SNX29: variants seen among roughly 807,000 people sequenced by gnomAD.
The protein encoded by SNX29 is sorting nexin 29.
Under a neutral mutation model 102.1 loss-of-function variants are expected in SNX29, and 78 were observed. The observed-to-expected ratio is 0.76, with a 90% confidence interval of 0.64 to 0.92. SNX29 has a LOEUF of 0.92. SNX29 is among the 40% of genes least tolerant of loss of function. SNX29 has a pLI of 0.00. For missense variants in SNX29, 1,280 were observed against 1,061.7 expected (o/e 1.21, Z -2.86); for synonymous variants, 580 against 414.5 (o/e 1.40, Z -4.85).
intron 14 of SNX29, among the ~76,000 whole-genome samples, chr16:12,221,747 G>A (rs937283932): frequency 2.0e-5 from 3 of 152,214 alleles, no homozygotes; most frequent in Admixed American, 2.0e-4. Flanking sequence ...CGCATTTGCT[G>A]GAAAATTGTG....
chr16:12,408,488 A>G (rs1175939852), intron 18 of SNX29, among the ~76,000 whole-genome samples: 4 of 152,246 alleles, frequency 2.6e-5, no homozygotes, highest in African/African-American at 9.6e-5. Context: ...TGTTTGAGCA[A>G]TGTCAGGGTC....
chr16:12,331,144 G>T (rs2081280951), intron 15 of SNX29, among the ~76,000 whole-genome samples: 1 of 152,214 alleles, frequency 6.6e-6, no homozygotes, highest in South Asian at 2.1e-4. Context: ...TGGCAGGCCT[G>T]ACTGGCCCTT....
At chr16:12,404,288 G>T (rs770666362) in intron 18 of SNX29, among the ~76,000 whole-genome samples, 3 of 152,156 alleles carry the variant, frequency 2.0e-5, no homozygotes, top group Non-Finnish European at 2.9e-5. Flanking sequence ...GCAGCGAAAT[G>T]TGTGTCTGCT....
At chr16:12,488,843 A>C (rs1222297000) in intron 19 of SNX29, among the ~76,000 whole-genome samples, 1 of 152,244 alleles carries the variant, frequency 6.6e-6, no homozygotes, top group Non-Finnish European at 1.5e-5. Context: ...TGAACCCACC[A>C]GAATTGGCCA....
chr16:12,525,311 C>A (rs1237107173), intron 20 of SNX29, among the ~76,000 whole-genome samples: 3 of 150,384 alleles, frequency 2.0e-5, no homozygotes, highest in Non-Finnish European at 4.4e-5. Context: ...TAAATGCCTT[C>A]TTCTCTCTTG....
At chr16:12,514,013 A>G (rs1158981759) in intron 19 of SNX29, among the ~76,000 whole-genome samples, 2 of 152,192 alleles carry the variant, frequency 1.3e-5, no homozygotes, top group Non-Finnish European at 2.9e-5. Flanking sequence ...GTTATAAAGC[A>G]GAGTTCACAG....
At chr16:12,417,824 T>G (rs1198321799) in intron 18 of SNX29, among the ~76,000 whole-genome samples, 1 of 152,090 alleles carries the variant, frequency 6.6e-6, no homozygotes. Flanking sequence ...GAGAGGAAAT[T>G]CATAATTTCC....
rs796916295 is a variant in SNX29, at chr16:12,011,189, G to T, written c.122+8146G>T. On this transcript the variant is annotated intron_variant, in intron 3 of 20. Coordinates refer to ENST00000566228, the MANE Select transcript of SNX29 (RefSeq NM_032167.5). ...TGCTTGATTAAATGAATTGCTTGGG[G>T]TTTTTTTTTTTTTTTTTTTGAAAAA... Among the ~76,000 whole-genome samples, 189 of 124,026 alleles carry T rather than the reference G, an allele frequency of 1.5e-3. 1 individual carries two copies. The highest frequency in any genetic ancestry group is 0.014 in the East Asian group (62 of 4,348). 81.4% of individuals were successfully genotyped at this position (124,026 alleles called of 152,430 possible).
At chr16:12,566,528 AGAGCAT>A (rs2079017451) in intron 20 of SNX29, among the ~76,000 whole-genome samples, 1 of 152,218 alleles carries the variant, frequency 6.6e-6, no homozygotes, top group African/African-American at 2.4e-5. Context: ...CCGCATCTGA[AGAGCAT>A]GACAGGAGGG....
chr16:12,265,165 T>C (rs1224252605), intron 14 of SNX29, among the ~76,000 whole-genome samples: 1 of 152,164 alleles, frequency 6.6e-6, no homozygotes, highest in Non-Finnish European at 1.5e-5. Flanking sequence ...AGCAAATACT[T>C]TTGCACCACT....
intron 14 of SNX29, among the ~76,000 whole-genome samples, chr16:12,264,884 G>C (rs2078881741): frequency 6.6e-6 from 1 of 152,114 alleles, no homozygotes; most frequent in Non-Finnish European, 1.5e-5. Flanking sequence ...TTTGTGCTCA[G>C]ACCTCCGTGT....
At position 11,982,088 on chromosome 16, in the gene SNX29, C is replaced by T. The variant is rs866664339; in HGVS notation, c.7+5275C>T. ...TGTAGAATTATACCTAAAATATATACCTTGATGCAAATTAAAACATACTGA... is the reference window on the plus strand; with the variant it reads ...TGTAGAATTATACCTAAAATATATATCTTGATGCAAATTAAAACATACTGA... On this transcript the variant is annotated intron_variant, in intron 1 of 20. Transcript: ENST00000566228. Among the ~76,000 whole-genome samples the T allele has an allele frequency of 1.5e-4, 22 of 150,302 alleles. No homozygotes were observed. In the Middle Eastern group the frequency reaches 0.017, roughly 117 times the overall value.
chr16:12,399,075 G>C (rs2151494797), intron 17 of SNX29, among the ~76,000 whole-genome samples: 1 of 152,152 alleles, frequency 6.6e-6, no homozygotes, highest in South Asian at 2.1e-4. Flanking sequence ...TTATTTTTGA[G>C]ATAGAATCTC....
At chr16:12,026,985 C>T (rs1418664396) in intron 3 of SNX29, among the ~76,000 whole-genome samples, 1 of 152,188 alleles carries the variant, frequency 6.6e-6, no homozygotes, top group Non-Finnish European at 1.5e-5. Context: ...GCTCCCCACA[C>T]TGAACTGATT....
chr16:12,128,907 G>T (rs1027018898), intron 12 of SNX29, among the ~76,000 whole-genome samples: 40 of 152,314 alleles, frequency 2.6e-4, no homozygotes, highest in African/African-American at 9.1e-4. Context: ...GCGGTCACTG[G>T]TGATGGTTTC....
rs139892601 is a variant in SNX29, at chr16:12,430,919, C to G, written c.2037+27390C>G. Among the ~76,000 whole-genome samples, 246 of 150,100 alleles carry G rather than the reference C, an allele frequency of 1.6e-3. 3 individuals carry two copies. The highest frequency in any genetic ancestry group is 5.7e-3 in the African/African-American group (232 of 40,694). ...CCAGGCTGGAGTGCAGTGGCACAAT[C>G]TCTGCTCACTGCAACCTCTGCCTCC... is the stretch of plus-strand genomic sequence containing the variant. On this transcript the variant is annotated intron_variant, in intron 18 of 20. Coordinates refer to ENST00000566228, the MANE Select transcript of SNX29 (RefSeq NM_032167.5).
At chr16:12,230,735 C>G (rs777007333) in intron 14 of SNX29, among the ~76,000 whole-genome samples, 6 of 152,170 alleles carry the variant, frequency 3.9e-5, no homozygotes, top group Non-Finnish European at 8.8e-5. Context: ...AATACTGTGC[C>G]ATCACCTAGA....
chr16:12,310,225 G>C (rs899949256), intron 15 of SNX29, among the ~76,000 whole-genome samples: 2 of 152,186 alleles, frequency 1.3e-5, no homozygotes, highest in Non-Finnish European at 2.9e-5. Flanking sequence ...TGCATTAGGA[G>C]AGACTCACCG....
intron 15 of SNX29, among the ~76,000 whole-genome samples, chr16:12,344,639 G>C (rs765713073): frequency 6.6e-6 from 1 of 152,238 alleles, no homozygotes; most frequent in Non-Finnish European, 1.5e-5. Context: ...CACAAGGATG[G>C]GGCTTAGGGT....
Sources: allele counts gnomAD v4.1 joint callset (sites outside exome capture counted in the v4.1 genomes callset), GRCh38; gene constraint gnomAD v4.1.1; transcripts MANE v1.5; gene names NCBI Gene and HGNC (gene_info 2026-07-23, HGNC 2026-07-21).